ASIP: variants seen among roughly 807,000 people sequenced by gnomAD.
ASIP encodes agouti signaling protein.
In ASIP, 11 loss-of-function variants were observed where a neutral mutation model predicts 10.3. That is an observed-to-expected ratio of 1.07 (90% confidence interval 0.68 to 1.78). The LOEUF is 1.78. ASIP is among the 40% of genes most tolerant of loss of function. The probability of loss-of-function intolerance (pLI) is 0.00; values close to 1 mark genes in which losing one functional copy is unlikely to be tolerated. For synonymous variants in ASIP, 70 were observed against 70.8 expected, an observed-to-expected ratio of 0.99 and a Z score of 0.06; for missense variants, 180 against 169.2, an observed-to-expected ratio of 1.06 and a Z score of -0.35.
chr20:34,187,809 T>G, the ASIP span, among the ~76,000 whole-genome samples: 4 of 152,202 alleles, frequency 2.6e-5, no homozygotes, highest in African/African-American at 9.6e-5. Context: ...AAAAGATACT[T>G]TGGAGTTACT....
intron 1 of ASIP, among the ~76,000 whole-genome samples, chr20:34,243,014 T>A (rs1311154117): frequency 1.3e-5 from 2 of 152,272 alleles, no homozygotes; most frequent in African/African-American, 2.4e-5. Context: ...AAGGGAATGA[T>A]GTCAGGAGAT....
chr20:34,202,630 C>G (rs2034907297), intron 1 of ASIP, among the ~76,000 whole-genome samples: 1 of 151,930 alleles, frequency 6.6e-6, no homozygotes, highest in African/African-American at 2.4e-5. Flanking sequence ...CATTGTCTAT[C>G]TAATATGTGT....
chr20:34,239,670 A>G (rs1601589013), upstream of ASIP, among the ~76,000 whole-genome samples: 2 of 152,342 alleles, frequency 1.3e-5, no homozygotes, highest in East Asian at 3.9e-4. Flanking sequence ...GTCCAAGATC[A>G]GAGAGAAAGT....
intron 1 of ASIP, among the ~76,000 whole-genome samples, chr20:34,201,060 C>CTTTCTTTCTTTCTTTCT (rs1568744601): frequency 3.2e-5 from 3 of 94,040 alleles, no homozygotes; most frequent in Non-Finnish European, 7.1e-5. Context: ...TTCTTTCTTT[C>CTTTCTTTCTTTCTTTCT]TTTTTTTTCC....
intron 1 of ASIP, among the ~76,000 whole-genome samples, chr20:34,198,829 T>G (rs574741208): frequency 6.6e-6 from 1 of 152,290 alleles, no homozygotes; most frequent in East Asian, 1.9e-4. Context: ...TACAGAAAAG[T>G]GTTCATATCG....
intron 1 of ASIP, among the ~76,000 whole-genome samples, chr20:34,212,831 G>C (rs1015991753): frequency 6.6e-5 from 10 of 152,136 alleles, no homozygotes; most frequent in Non-Finnish European, 1.5e-5. Context: ...GCAATCTGTA[G>C]GGGAAATACT....
chr20:34,233,456 A>G (rs890885330), intron 1 of ASIP, among the ~76,000 whole-genome samples: 2 of 152,062 alleles, frequency 1.3e-5, no homozygotes, highest in Admixed American at 6.6e-5. Flanking sequence ...CCACATGGAT[A>G]AACTTTGAAA....
At chr20:34,221,205 C>T (rs2035045037) in intron 1 of ASIP, among the ~76,000 whole-genome samples, 1 of 151,828 alleles carries the variant, frequency 6.6e-6, no homozygotes, top group African/African-American at 2.4e-5. Flanking sequence ...GGTGAAACCC[C>T]ATCTCTACTA....
At chr20:34,233,541 C>G (rs1354855790) in intron 1 of ASIP, among the ~76,000 whole-genome samples, 1 of 152,160 alleles carries the variant, frequency 6.6e-6, no homozygotes, top group East Asian at 1.9e-4. Flanking sequence ...TGTGAATAAA[C>G]TAAAAACCTT....
intron 1 of ASIP, among the ~76,000 whole-genome samples, chr20:34,256,940 C>T (rs765776118): frequency 9.9e-5 from 15 of 152,226 alleles, no homozygotes; most frequent in Admixed American, 2.0e-4. Context: ...GCCGCCACTC[C>T]CTGCTAAGAG....
intron 3 of ASIP, 133 bp from the exon 4 acceptor site, chr20:34,268,858 C>A: frequency 9.2e-7 from 1 of 1,081,612 alleles, no homozygotes; most frequent in Non-Finnish European, 1.3e-6. Flanking sequence ...GGGGAGCGGG[C>A]GGTGGGCGGT....
At chr20:34,258,840 A>G (rs1441587964) in intron 1 of ASIP, among the ~76,000 whole-genome samples, 2 of 123,036 alleles carry the variant, frequency 1.6e-5, no homozygotes, top group East Asian at 4.3e-4. Flanking sequence ...TATTATATAT[A>G]TAGTGTATAT....
chr20:34,269,099 T>G lies in ASIP; in HGVS notation c.331T>G (p.Cys111Gly). 1 of 1,568,172 alleles carries G rather than the reference T, an allele frequency of 6.4e-7. No individual in the cohort carries two copies. The highest frequency in any genetic ancestry group is 8.6e-7 in the Non-Finnish European group (1 of 1,157,516). The change falls in exon 4 of 4, where the codon TGC becomes GGC. Residue 111 changes from cysteine to glycine, a missense_variant. Transcript: ENST00000374954. ...KPPAPACCDP[C>G]ASCQCRFFRS... is the part of the protein sequence containing the mutation. ...GCCGGCACCCGCCTGCTGCGACCCG[T>G]GCGCCTCCTGCCAGTGCCGCTTCTT...
intron 1 of ASIP, among the ~76,000 whole-genome samples, chr20:34,244,386 A>G (rs1195458396): frequency 6.6e-6 from 1 of 152,188 alleles, no homozygotes; most frequent in East Asian, 1.9e-4. Context: ...CACATAATTT[A>G]TAGCCAGAAT....
chr20:34,196,820 T>TA (rs1372581706), intron 1 of ASIP, among the ~76,000 whole-genome samples: 1 of 152,166 alleles, frequency 6.6e-6, no homozygotes, highest in African/African-American at 2.4e-5. Flanking sequence ...ATGGAGGGCA[T>TA]ACGCCCCTCT....
rs1444912732 is a variant in ASIP, at chr20:34,227,245, CA to C, written c.-11+32490del. Among the ~76,000 whole-genome samples the C allele has an allele frequency of 3.3e-5, 5 of 151,766 alleles. No homozygotes were observed. In the East Asian group the frequency reaches 9.7e-4, roughly 29 times the overall value. On this transcript the variant is annotated intron_variant, in intron 1 of 3. Coordinates refer to the ASIP transcript ENST00000568305. ...TAAAAAATGCCATTTATAATGGTAC[CA>C]AAAATATTAAATTTTTAATGATAAA...
intron 1 of ASIP, among the ~76,000 whole-genome samples, chr20:34,227,535 G>A (rs552436072): frequency 1.5e-3 from 225 of 151,636 alleles, no homozygotes; most frequent in African/African-American, 5.3e-3. Flanking sequence ...GGAGGCTAAG[G>A]CAGGAGAATC....
intron 1 of ASIP, among the ~76,000 whole-genome samples, chr20:34,252,929 A>T (rs1018828491): frequency 6.6e-6 from 1 of 152,188 alleles, no homozygotes. Context: ...GCACAGCCCT[A>T]AATCCATTAA....
upstream of ASIP, among the ~76,000 whole-genome samples, chr20:34,190,509 T>C (rs945089910): frequency 7.2e-5 from 11 of 152,196 alleles, no homozygotes; most frequent in Non-Finnish European, 1.5e-4. Flanking sequence ...CACTCCTATC[T>C]GCATGTCTAG....
Sources: allele counts gnomAD v4.1 joint callset (sites outside exome capture counted in the v4.1 genomes callset), GRCh38; gene constraint gnomAD v4.1.1; transcripts MANE v1.5; gene names NCBI Gene and HGNC (gene_info 2026-07-23, HGNC 2026-07-21).